Variants in CNTN5 observed in about 807,000 individuals in gnomAD.
CNTN5 encodes the protein contactin 5, also known as contactin-5.
In CNTN5, 77 loss-of-function variants were observed where a neutral mutation model predicts 129.1. The ratio of observed to expected loss-of-function variants is 0.60; its 90% CI spans 0.50 to 0.72. The LOEUF is 0.72. CNTN5 is among the 30% of genes least tolerant of loss of function. The probability of loss-of-function intolerance (pLI) is 0.00; values close to 1 mark genes in which losing one functional copy is unlikely to be tolerated. For synonymous variants in CNTN5, 509 were observed against 465.6 expected (o/e 1.09, Z -1.20); for missense variants, 1,478 against 1,328.8 (o/e 1.11, Z -1.75).
intron 4 of CNTN5, among the ~76,000 whole-genome samples, chr11:99,836,638 A>C (rs959125813): frequency 6.6e-6 from 1 of 152,140 alleles, no homozygotes; most frequent in Non-Finnish European, 1.5e-5. Flanking sequence ...CATGATTTAT[A>C]ATCCTTTGGG....
chr11:99,212,546 C>A (rs1193699296), intron 1 of CNTN5, among the ~76,000 whole-genome samples: 1 of 152,100 alleles, frequency 6.6e-6, no homozygotes, highest in East Asian at 1.9e-4. Flanking sequence ...TCCTGCCCAA[C>A]CTTTAGAATT....
At chr11:100,259,198 A>G (rs1440660575) in intron 17 of CNTN5, among the ~76,000 whole-genome samples, 1 of 152,176 alleles carries the variant, frequency 6.6e-6, no homozygotes, top group African/African-American at 2.4e-5. Flanking sequence ...AAAGACAAAG[A>G]AGGGTATTAC....
Position 99,509,482 on chromosome 11 carries a change from T to C in CNTN5, c.-70-46663T>C, listed in dbSNP as rs74357603. Among the ~76,000 whole-genome samples, 965 of 152,276 alleles carry C rather than the reference T, an allele frequency of 6.3e-3. 8 individuals carry two copies. Among genetic ancestry groups the C allele is most frequent in the African/African-American group, 0.022 (907 of 41,580 alleles). On this transcript the variant is annotated intron_variant, in intron 2 of 24. Transcript: ENST00000524871. ...GTTCACTGAGAAGAGATAAGGATAT[T>C]GGTTAAACTGGCAAAGAGAAAGAGC...
chr11:100,271,640 T>A (rs1458870130), intron 18 of CNTN5, among the ~76,000 whole-genome samples: 1 of 152,326 alleles, frequency 6.6e-6, no homozygotes, highest in East Asian at 1.9e-4. Flanking sequence ...TCCTTAGAAC[T>A]CTTTTATGTT....
intron 13 of CNTN5, among the ~76,000 whole-genome samples, chr11:100,099,666 C>CA (rs1555007739): frequency 2.2e-4 from 33 of 148,062 alleles, no homozygotes; most frequent in Non-Finnish European, 2.9e-4. Flanking sequence ...ATGGTTTTTG[C>CA]TTTTTTTTTT....
At chr11:99,893,184 A>G (rs1437452894) in intron 6 of CNTN5, among the ~76,000 whole-genome samples, 3 of 152,154 alleles carry the variant, frequency 2.0e-5, no homozygotes, top group Admixed American at 6.5e-5. Context: ...AAAAAGGTCC[A>G]CTTTTAAATT....
rs570996960 is a variant in CNTN5, at chr11:100,354,855, T to G, written c.3200-1262T>G. ...ACATAGAAAAATTACAGTAAAGATA[T>G]AGTCAGTATAAAAGATAAAAAAATG... On this transcript the variant is annotated intron_variant, in intron 24 of 24. Coordinates refer to ENST00000524871, the MANE Select transcript of CNTN5 (RefSeq NM_014361.4). Among the ~76,000 whole-genome samples the G allele has an allele frequency of 2.0e-5, 3 of 151,668 alleles. No individual in the cohort carries two copies. In the South Asian group the frequency reaches 6.2e-4, roughly 31 times the overall value.
At chr11:99,499,887 G>A (rs1322836653) in intron 2 of CNTN5, among the ~76,000 whole-genome samples, 1 of 152,040 alleles carries the variant, frequency 6.6e-6, no homozygotes, top group African/African-American at 2.4e-5. Flanking sequence ...TTATGTATTG[G>A]GTGCCATAGA....
intron 18 of CNTN5, among the ~76,000 whole-genome samples, chr11:100,284,856 G>A (rs1456484669): frequency 1.3e-5 from 2 of 152,094 alleles, no homozygotes; most frequent in East Asian, 1.9e-4. Context: ...ATATGCTTAT[G>A]TGTGTATGTA....
intron 3 of CNTN5, among the ~76,000 whole-genome samples, chr11:99,680,773 A>G (rs72983665): frequency 0.045 from 6,824 of 152,048 alleles, 200 homozygotes; most frequent in East Asian, 0.1. Context: ...GCTGTATGGC[A>G]GCTATAGTCT....
intron 7 of CNTN5, among the ~76,000 whole-genome samples, chr11:99,946,809 A>C (rs939272728): frequency 2.0e-5 from 3 of 151,626 alleles, no homozygotes; most frequent in Non-Finnish European, 2.9e-5. Context: ...ATCCCCTATT[A>C]GTACTAGACC....
At chr11:100,228,340 C>T (rs891084236) in intron 16 of CNTN5, among the ~76,000 whole-genome samples, 12 of 152,100 alleles carry the variant, frequency 7.9e-5, no homozygotes, top group African/African-American at 1.4e-4. Flanking sequence ...GAATTTGAAA[C>T]GAATGAATTA....
intron 8 of CNTN5, among the ~76,000 whole-genome samples, chr11:99,974,879 AT>A (rs1300112588): frequency 2.0e-5 from 3 of 152,208 alleles, no homozygotes; most frequent in East Asian, 1.9e-4. Flanking sequence ...AGGAAAAAAA[AT>A]ATGCTGAATC....
At chr11:99,700,910 GTTCTACCTTCCATCTTGGCAGA>G in intron 3 of CNTN5, among the ~76,000 whole-genome samples, 1 of 151,312 alleles carries the variant, frequency 6.6e-6, no homozygotes, top group Non-Finnish European at 1.5e-5. Context: ...GTATCAAAAT[GTTCTACCTTCCATCTTGGCAGA>G]AAGGGAAGAA....
intron 1 of CNTN5, among the ~76,000 whole-genome samples, chr11:99,097,808 T>C (rs1032576651): frequency 6.6e-6 from 1 of 151,982 alleles, no homozygotes; most frequent in Non-Finnish European, 1.5e-5. Flanking sequence ...ATTTATACTT[T>C]AAGTTAGGTG....
At chr11:99,403,005 CTTCT>C (rs745394940) in intron 2 of CNTN5, among the ~76,000 whole-genome samples, 1 of 48,228 alleles carries the variant, frequency 2.1e-5, no homozygotes, top group South Asian at 1.2e-3. Flanking sequence ...TTTTGTTAAA[CTTCT>C]TTTTTTTTTT....
rs182763105 is a variant in CNTN5 at position 100,350,936 on chromosome 11, C to T, written c.3199+66C>T. 8.6e-4 allele frequency: 1,055 copies of T among 1,231,226 alleles called. 2 individuals carry two copies. The highest frequency in any genetic ancestry group is 4.5e-3 in the East Asian group (178 of 39,934). 76.3% of individuals were successfully genotyped at this position (1,231,226 alleles called of 1,614,324 possible). ...CAATTACGAGATGGTATGAAAGTCA[C>T]GAAAATTGATGTGATAGATTTCATG... On this transcript the variant is annotated intron_variant, in intron 24 of 24. Transcript: ENST00000524871.
intron 1 of CNTN5, among the ~76,000 whole-genome samples, chr11:99,200,695 C>G (rs753186121): frequency 3.3e-5 from 5 of 152,114 alleles, no homozygotes; most frequent in Non-Finnish European, 5.9e-5. Flanking sequence ...TGGTTAGCAC[C>G]CTCAAGGACA....
chr11:99,225,984 AG>A (rs1172534456), intron 1 of CNTN5, among the ~76,000 whole-genome samples: 2 of 152,152 alleles, frequency 1.3e-5, no homozygotes, highest in Non-Finnish European at 2.9e-5. Context: ...TTAGTGCTAG[AG>A]TTGATAATCA....
Sources: gnomAD v4.1 joint callset for allele counts (sites outside exome capture counted in the v4.1 genomes callset) on GRCh38, gnomAD v4.1.1 for gene constraint, MANE v1.5 for transcripts, NCBI Gene and HGNC (gene_info 2026-07-23, HGNC 2026-07-21) for gene names.